Variants in KLHL1 observed in about 807,000 individuals in gnomAD.
KLHL1 encodes kelch like family member 1.
Under a neutral mutation model 77.7 loss-of-function variants are expected in KLHL1, and 47 were observed. The observed-to-expected ratio is 0.60, with a 90% confidence interval of 0.48 to 0.77. KLHL1 has a LOEUF of 0.77. Ranked by LOEUF, KLHL1 falls within the 30% of genes least tolerant of loss-of-function variation. KLHL1 has a pLI of 0.00. For missense variants in KLHL1, 925 were observed against 910.8 expected, an observed-to-expected ratio of 1.02 and a Z score of -0.20; for synonymous variants, 360 against 325.2, an observed-to-expected ratio of 1.11 and a Z score of -1.15.
At chr13:70,033,515 G>A (rs1350315754) in intron 1 of KLHL1, among the ~76,000 whole-genome samples, 2 of 149,452 alleles carry the variant, frequency 1.3e-5, no homozygotes, top group South Asian at 4.3e-4. Flanking sequence ...CACTGTGTTA[G>A]CCAGGATGGT....
At chr13:69,810,714 A>G (rs1394177612) in intron 6 of KLHL1, among the ~76,000 whole-genome samples, 1 of 151,992 alleles carries the variant, frequency 6.6e-6, no homozygotes, top group Non-Finnish European at 1.5e-5. Flanking sequence ...CTGTACAAAG[A>G]ATCAATGAAA....
intron 7 of KLHL1, among the ~76,000 whole-genome samples, chr13:69,779,493 C>T (rs145728308): frequency 6.6e-6 from 1 of 150,826 alleles, no homozygotes; most frequent in Non-Finnish European, 1.5e-5. Context: ...TTTCCTTTTC[C>T]CTTCTTTCCT....
intron 4 of KLHL1, among the ~76,000 whole-genome samples, chr13:69,888,464 G>A (rs193099661): frequency 6.6e-6 from 1 of 152,180 alleles, no homozygotes; most frequent in South Asian, 2.1e-4. Flanking sequence ...CTTTCTAAGA[G>A]AAATTTTGAG....
At chr13:69,928,792 G>T (rs1354717904) in intron 4 of KLHL1, among the ~76,000 whole-genome samples, 1 of 152,062 alleles carries the variant, frequency 6.6e-6, no homozygotes, top group Admixed American at 6.6e-5. Flanking sequence ...ATAGGTAGAG[G>T]TATCTTGGCG....
intron 1 of KLHL1, among the ~76,000 whole-genome samples, chr13:70,007,132 C>A (rs1356323122): frequency 6.6e-6 from 1 of 151,660 alleles, no homozygotes; most frequent in African/African-American, 2.4e-5. Context: ...AATCTCAAAA[C>A]AATATGAGAA....
At chr13:69,925,130 G>A (rs765879991) in intron 4 of KLHL1, among the ~76,000 whole-genome samples, 4 of 152,236 alleles carry the variant, frequency 2.6e-5, no homozygotes, top group African/African-American at 7.2e-5. Context: ...AGGCACCACC[G>A]GACACAGAGG....
intron 7 of KLHL1, among the ~76,000 whole-genome samples, chr13:69,786,621 A>G (rs1332751305): frequency 6.6e-6 from 1 of 151,952 alleles, no homozygotes; most frequent in Non-Finnish European, 1.5e-5. Flanking sequence ...CTCTCTCACC[A>G]CTCCTATTCA....
chr13:69,821,789 T>C (rs1878347620), intron 6 of KLHL1, among the ~76,000 whole-genome samples: 1 of 152,246 alleles, frequency 6.6e-6, no homozygotes, highest in African/African-American at 2.4e-5. Context: ...TTTATACTTC[T>C]TCATAAATAA....
rs76242607 is a variant in KLHL1, at chr13:70,011,128, T to C, written c.498-35326A>G. ...GACTACCTGTACCAAAAGTAAAATG[T>C]CCAAGAACAAAGTCCAGAGAAAATT... On this transcript the variant is annotated intron_variant, in intron 1 of 10. Coordinates refer to ENST00000377844, the MANE Select transcript of KLHL1 (RefSeq NM_020866.3). Among the ~76,000 whole-genome samples the C allele has an allele frequency of 8.1e-3, 1,234 of 152,028 alleles. 20 individuals are homozygous for C. The highest frequency in any genetic ancestry group is 0.028 in the African/African-American group (1,165 of 41,478).
At chr13:69,902,429 G>T (rs1161708594) in intron 4 of KLHL1, among the ~76,000 whole-genome samples, 1 of 152,104 alleles carries the variant, frequency 6.6e-6, no homozygotes, top group Non-Finnish European at 1.5e-5. Flanking sequence ...TACTTGAAGA[G>T]TATTTTCAGT....
Position 70,068,728 on chromosome 13 carries a change from T to C in KLHL1, c.497+38475A>G, listed in dbSNP as rs142930393. Among the ~76,000 whole-genome samples the C allele has an allele frequency of 2.1e-3, 321 of 152,340 alleles. 1 individual carries two copies. Among genetic ancestry groups the C allele is most frequent in the African/African-American group, 7.2e-3 (300 of 41,572 alleles). Reference sequence around the variant, plus strand: ...TAGTTTAGTAATAAATTCATGTAAATAATTTAATAGATTATCTTGTTTGCT... The same window carrying C: ...TAGTTTAGTAATAAATTCATGTAAACAATTTAATAGATTATCTTGTTTGCT... On this transcript the variant is annotated intron_variant, in intron 1 of 10. Transcript: ENST00000377844.
intron 1 of KLHL1, among the ~76,000 whole-genome samples, chr13:70,032,011 T>A (rs1214376401): frequency 6.6e-6 from 1 of 152,186 alleles, no homozygotes; most frequent in Non-Finnish European, 1.5e-5. Context: ...ATCCTGATTA[T>A]GTCACTTAGG....
chr13:69,713,381 A>G (rs1157143208), intron 9 of KLHL1, among the ~76,000 whole-genome samples: 1 of 152,176 alleles, frequency 6.6e-6, no homozygotes, highest in Non-Finnish European at 1.5e-5. Flanking sequence ...AATGAAAATC[A>G]CAAAACATTT....
intron 6 of KLHL1, among the ~76,000 whole-genome samples, chr13:69,838,428 C>T (rs1355699859): frequency 4.6e-5 from 7 of 151,642 alleles, no homozygotes; most frequent in Middle Eastern, 3.4e-3. Context: ...ACTCTAAAAA[C>T]GTAAGAATAA....
intron 6 of KLHL1, among the ~76,000 whole-genome samples, chr13:69,833,638 G>A (rs1566304326): frequency 6.6e-6 from 1 of 151,512 alleles, no homozygotes; most frequent in Non-Finnish European, 1.5e-5. Context: ...GTCATTATAT[G>A]AAAAAGACAT....
At chr13:69,943,119 G>A (rs1327737057) in intron 3 of KLHL1, among the ~76,000 whole-genome samples, 1 of 151,996 alleles carries the variant, frequency 6.6e-6, no homozygotes, top group African/African-American at 2.4e-5. Context: ...CAAGGACACC[G>A]TATAGGTGAT....
chr13:69,785,781 G>C (rs1021831188), intron 7 of KLHL1, among the ~76,000 whole-genome samples: 5 of 152,230 alleles, frequency 3.3e-5, no homozygotes, highest in African/African-American at 4.8e-5. Context: ...AAGAAGAAAA[G>C]AGAGAAGAAT....
intron 4 of KLHL1, among the ~76,000 whole-genome samples, chr13:69,898,086 C>T (rs1478777649): frequency 6.6e-6 from 1 of 152,220 alleles, no homozygotes; most frequent in Non-Finnish European, 1.5e-5. Flanking sequence ...AGGCAAGGGT[C>T]TTCCCTCAGA....
chr13:69,783,774 G>A (rs1566248763), intron 7 of KLHL1, among the ~76,000 whole-genome samples: 1 of 144,016 alleles, frequency 6.9e-6, no homozygotes, highest in Non-Finnish European at 1.5e-5. Context: ...TTATCCAGGA[G>A]AACTTCCCCA....
Sources: allele counts gnomAD v4.1 joint callset (sites outside exome capture counted in the v4.1 genomes callset), GRCh38; gene constraint gnomAD v4.1.1; transcripts MANE v1.5; gene names NCBI Gene and HGNC (gene_info 2026-07-23, HGNC 2026-07-21).